BASP1: variants seen among roughly 807,000 people sequenced by gnomAD.
BASP1 encodes the protein brain abundant membrane attached signal protein 1, also known as brain acid soluble protein 1.
A neutral mutation model predicts 2.2 loss-of-function variants in BASP1; 1 was observed. The observed-to-expected ratio is 0.46, with a 90% CI of 0.16 to 2.17. The LOEUF (loss-of-function observed/expected upper bound fraction) is 2.17, where lower values mean the gene tolerates loss of function less well. Among genes scored for constraint, BASP1 ranks in the 30% most tolerant of loss-of-function variants. The pLI is 0.27. For synonymous variants in BASP1, 187 were observed against 154.2 expected, an observed-to-expected ratio of 1.21 and a Z score of -1.58; for missense variants, 352 against 327.2, an observed-to-expected ratio of 1.08 and a Z score of -0.58.
At chr5:17,217,071 T>TGTGTGAGAGAGAGAGAGAGAGA (rs1367601986), upstream of BASP1, 17 of 102,042 alleles carry the variant, frequency 1.7e-4, 1 homozygote, top group African/African-American at 7.3e-4. Context: ...AGAGAGAGAG[T>TGTGTGAGAGAGAGAGAGAGAGA]GAGAGAGAGA....
At chr5:17,224,649 C>A (rs1051775541) in intron 1 of BASP1, among the ~76,000 whole-genome samples, 12 of 152,184 alleles carry the variant, frequency 7.9e-5, no homozygotes, top group Non-Finnish European at 4.4e-5. Flanking sequence ...TGCTTCTTGT[C>A]ATAGTGAATG....
At chr5:17,237,330 C>T (rs1469332004) in intron 1 of BASP1, among the ~76,000 whole-genome samples, 5 of 151,830 alleles carry the variant, frequency 3.3e-5, no homozygotes, top group Middle Eastern at 3.2e-3. Context: ...GGCGACACAG[C>T]GAGACTCCGT....
rs118173981 is a variant in BASP1, at chr5:17,226,661, C to T, written c.-10+8851C>T. On this transcript the variant is annotated intron_variant, in intron 1 of 1. Transcript: ENST00000322611. ...TGTAGGAATATTTGCTGTCTTTAACCCTTACTAATGTTCTCAGCTATTTCA... is the reference window on the plus strand; with the variant it reads ...TGTAGGAATATTTGCTGTCTTTAACTCTTACTAATGTTCTCAGCTATTTCA... 5.6e-4 allele frequency among the ~76,000 whole-genome samples: 85 copies of T among 152,266 alleles called. 1 individual carries two copies. In the East Asian group the frequency reaches 0.012, roughly 21 times the overall value.
intron 1 of BASP1, among the ~76,000 whole-genome samples, chr5:17,234,955 G>A (rs1273931523): frequency 5.9e-5 from 9 of 152,100 alleles, no homozygotes; most frequent in Non-Finnish European, 2.9e-5. Flanking sequence ...ATTCAGCATC[G>A]ATTACATTTA....
chr5:17,250,313 C>T (rs1026064080), intron 1 of BASP1, among the ~76,000 whole-genome samples: 1 of 152,220 alleles, frequency 6.6e-6, no homozygotes, highest in Non-Finnish European at 1.5e-5. Context: ...CAAAACTTTG[C>T]ACTTCGTAAA....
chr5:17,243,165 T>C (rs909445901), intron 1 of BASP1, among the ~76,000 whole-genome samples: 2 of 151,952 alleles, frequency 1.3e-5, no homozygotes, highest in African/African-American at 2.4e-5. Context: ...TTTTTTTTTT[T>C]TAAGAGGGAG....
intron 1 of BASP1, among the ~76,000 whole-genome samples, chr5:17,250,246 C>A (rs1740074891): frequency 6.6e-6 from 1 of 152,140 alleles, no homozygotes; most frequent in Non-Finnish European, 1.5e-5. Flanking sequence ...CGCGCCCGGC[C>A]CTGATTTTAA....
chr5:17,240,395 G>A (rs1426084926), intron 1 of BASP1, among the ~76,000 whole-genome samples: 1 of 152,108 alleles, frequency 6.6e-6, no homozygotes, highest in Non-Finnish European at 1.5e-5. Flanking sequence ...AATTAGCTGG[G>A]CGTGGTGGCG....
rs145637343 is a variant in BASP1, at chr5:17,275,959, C to T, written c.*59C>T. The stretch of plus-strand genomic sequence containing the variant: ...AAAACAATCTCCTCTCTCTCTCTCT[C>T]TCTCTCTCTCTATCTCTCTCTCTAT... On this transcript the variant is annotated 3_prime_UTR_variant, in exon 2 of 2. Coordinates refer to ENST00000322611, the MANE Select transcript of BASP1 (RefSeq NM_006317.5). The surrounding 1 kb of genome is among the most constrained non-coding windows in gnomAD (Gnocchi z 5.3). The T allele has an allele frequency of 3.2e-4, 442 of 1,399,480 alleles. 7 individuals are homozygous for T. In the East Asian group the frequency reaches 0.011, roughly 35 times the overall value. The allele number at this position is 1,399,480 out of a possible 1,614,324, so 86.7% of individuals were successfully genotyped here.
At chr5:17,230,435 AT>A (rs1739608499) in intron 1 of BASP1, among the ~76,000 whole-genome samples, 1 of 152,128 alleles carries the variant, frequency 6.6e-6, no homozygotes, top group Non-Finnish European at 1.5e-5. Context: ...AGGCTAATGA[AT>A]TTTGGGGCCT....
Position 17,275,514 on chromosome 5 carries a change from C to T in BASP1, c.298C>T (p.Pro100Ser), listed in dbSNP as rs1386047183. 6 of 1,442,434 alleles carry T rather than the reference C, an allele frequency of 4.2e-6. No homozygotes were observed. The highest frequency in any genetic ancestry group is 2.6e-4 in the Middle Eastern group (1 of 3,882). The allele number at this position is 1,442,434 out of a possible 1,614,324, so 89.4% of individuals were successfully genotyped here. Residue 100 changes from proline (P) to serine (S), a missense_variant, in exon 2 of 2, where the codon CCC (proline) becomes TCC (serine). Transcript: ENST00000322611. The surrounding 1 kb of genome is among the most constrained non-coding windows in gnomAD (Gnocchi z 5.3). Reference sequence around the variant, plus strand: ...GGGCGCGGCAGAGGCCAAGGCTGAGCCCCCGAAGGCGCCCGAGCAGGAGCA... The same window carrying T: ...GGGCGCGGCAGAGGCCAAGGCTGAGTCCCCGAAGGCGCCCGAGCAGGAGCA... Reference protein sequence around the residue: ...TEGAAEAKAEPPKAPEQEQAA... With the variant: ...TEGAAEAKAESPKAPEQEQAA...
At chr5:17,235,709 T>C (rs1040704200) in intron 1 of BASP1, among the ~76,000 whole-genome samples, 7 of 152,338 alleles carry the variant, frequency 4.6e-5, no homozygotes, top group African/African-American at 1.7e-4. Flanking sequence ...CCATGATGTT[T>C]TTTAAAATGA....
rs1740664819 is a variant in BASP1, at chr5:17,276,482, C to T, written c.*582C>T. On this transcript the variant is annotated 3_prime_UTR_variant, in exon 2 of 2. Coordinates refer to ENST00000322611, the MANE Select transcript of BASP1 (RefSeq NM_006317.5). ...CCACTTAGCTTGTCCACATGGATCTCAATGCCAATCCTCCATTCTTCCTCT... is the reference window on the plus strand; with the variant it reads ...CCACTTAGCTTGTCCACATGGATCTTAATGCCAATCCTCCATTCTTCCTCT... 1 of 167,022 alleles carries T rather than the reference C, an allele frequency of 6.0e-6. No individual in the cohort carries two copies. Among genetic ancestry groups the T allele is most frequent in the African/African-American group, 2.4e-5 (1 of 41,438 alleles). The allele number at this position is 167,022 out of a possible 1,614,324, so 10.3% of individuals were successfully genotyped here. A position where few individuals can be genotyped will look rare whatever the true frequency, so the allele number is the denominator to read the frequency against.
At chr5:17,274,567 C>G (rs1245350663) in intron 1 of BASP1, among the ~76,000 whole-genome samples, 1 of 152,196 alleles carries the variant, frequency 6.6e-6, no homozygotes, top group African/African-American at 2.4e-5. Context: ...GCTGCACATG[C>G]CTGTTCCACG....
At chr5:17,222,894 A>T (rs1429343453) in intron 1 of BASP1, among the ~76,000 whole-genome samples, 1 of 152,156 alleles carries the variant, frequency 6.6e-6, no homozygotes, top group African/African-American at 2.4e-5. Flanking sequence ...AATAGAAACC[A>T]TCTGCAAGCA....
intron 1 of BASP1, among the ~76,000 whole-genome samples, chr5:17,250,900 G>A (rs576796372): frequency 6.6e-6 from 1 of 152,126 alleles, no homozygotes; most frequent in African/African-American, 2.4e-5. Flanking sequence ...CACAGCGCCC[G>A]GCCAAAATAT....
At chr5:17,219,696 C>T (rs573390026) in intron 1 of BASP1, among the ~76,000 whole-genome samples, 25 of 152,244 alleles carry the variant, frequency 1.6e-4, no homozygotes, top group African/African-American at 5.3e-4. Context: ...GACATCTTGG[C>T]GTTTATTCGA....
intron 1 of BASP1, among the ~76,000 whole-genome samples, chr5:17,226,931 CTTTTTTT>C (rs5866244): frequency 2.8e-5 from 4 of 144,790 alleles, no homozygotes; most frequent in South Asian, 4.3e-4. Flanking sequence ...ACTCATTTTT[CTTTTTTT>C]TTTTTTTCTT....
intron 1 of BASP1, among the ~76,000 whole-genome samples, chr5:17,223,500 A>G (rs1739430711): frequency 1.3e-5 from 2 of 152,230 alleles, no homozygotes; most frequent in Admixed American, 6.5e-5. Context: ...AGTAGGTAGA[A>G]TATAGAAGTC....
Sources: gnomAD v4.1 joint callset for allele counts (sites outside exome capture counted in the v4.1 genomes callset) on GRCh38, gnomAD v4.1.1 for gene constraint, Gnocchi (gnomAD v3.1) non-coding constraint, MANE v1.5 for transcripts, NCBI Gene and HGNC (gene_info 2026-07-23, HGNC 2026-07-21) for gene names.